Variants in PAM observed in about 807,000 individuals in gnomAD.
The protein encoded by PAM is peptidyl-glycine alpha-amidating monooxygenase.
PAM carries 72 observed loss-of-function variants against 122.1 expected under a neutral mutation model. The ratio of observed to expected loss-of-function variants is 0.59; its 90% CI spans 0.49 to 0.72. PAM has a LOEUF of 0.72. PAM is among the 30% of genes least tolerant of loss of function. The probability of loss-of-function intolerance (pLI) is 0.00; values close to 1 mark genes in which losing one functional copy is unlikely to be tolerated. For missense variants in PAM, 1,106 were observed against 1,183.7 expected (o/e 0.93, Z 0.96); for synonymous variants, 389 against 404.4 (o/e 0.96, Z 0.46).
At chr5:102,945,282 G>A (rs1756652945) in intron 7 of PAM, among the ~76,000 whole-genome samples, 1 of 151,836 alleles carries the variant, frequency 6.6e-6, no homozygotes, top group African/African-American at 2.4e-5. Flanking sequence ...AACTGATGAT[G>A]GTCCTGTAAG....
At chr5:102,770,036 C>A (rs1755276851) in intron 1 of PAM, among the ~76,000 whole-genome samples, 1 of 151,962 alleles carries the variant, frequency 6.6e-6, no homozygotes, top group Admixed American at 6.6e-5. Flanking sequence ...CAATTTCTTT[C>A]ATCAATATTT....
intron 5 of PAM, among the ~76,000 whole-genome samples, chr5:102,917,739 A>G (rs1336679455): frequency 1.3e-5 from 2 of 152,170 alleles, no homozygotes; most frequent in East Asian, 3.9e-4. Context: ...AGCATTTTTA[A>G]TATTAACGCA....
chr5:102,828,576 A>T (rs1774366038), intron 1 of PAM, among the ~76,000 whole-genome samples: 1 of 152,074 alleles, frequency 6.6e-6, no homozygotes, highest in African/African-American at 2.4e-5. Flanking sequence ...TGCTTCTCTA[A>T]TCTATAAAAT....
At chr5:102,890,288 ACTAC>A (rs1396352086) in intron 3 of PAM, among the ~76,000 whole-genome samples, 1 of 151,886 alleles carries the variant, frequency 6.6e-6, no homozygotes, top group Non-Finnish European at 1.5e-5. Flanking sequence ...TAATGTTAAT[ACTAC>A]CTATTAATGA....
rs114081300 is a variant in PAM, at chr5:102,800,673, G to A, written c.-374+45325G>A. Among the ~76,000 whole-genome samples the A allele has an allele frequency of 8.5e-3, 1,292 of 152,266 alleles. 15 individuals are homozygous for A. Among genetic ancestry groups the A allele is most frequent in the African/African-American group, 0.03 (1,249 of 41,530 alleles). ...TGAAGGTCAGGGACATTAATGGGAG[G>A]GAGGGGGCTACGCTGAGTTCTTGGA... On this transcript the variant is annotated intron_variant, in intron 1 of 25. Transcript: ENST00000438793.
At chr5:103,012,698 CA>C (rs552361644) in intron 21 of PAM, among the ~76,000 whole-genome samples, 4 of 151,480 alleles carry the variant, frequency 2.6e-5, no homozygotes, top group Non-Finnish European at 5.9e-5. Flanking sequence ...ATTAAAAATA[CA>C]AAAAAAATTA....
At chr5:102,954,917 C>T (rs529417364) in intron 12 of PAM, among the ~76,000 whole-genome samples, 26 of 152,182 alleles carry the variant, frequency 1.7e-4, no homozygotes, top group African/African-American at 5.5e-4. Context: ...TGGATACCAA[C>T]ATAGCACTTT....
intron 1 of PAM, among the ~76,000 whole-genome samples, chr5:102,781,148 T>C (rs1228858478): frequency 1.3e-5 from 2 of 152,172 alleles, no homozygotes; most frequent in Non-Finnish European, 2.9e-5. Flanking sequence ...ACAATACTTG[T>C]AGATATTGCT....
intron 4 of PAM, among the ~76,000 whole-genome samples, chr5:102,905,491 G>A (rs905176959): frequency 5.3e-5 from 8 of 151,670 alleles, no homozygotes; most frequent in African/African-American, 1.9e-4. Context: ...AGTTAGATTT[G>A]AATAGTTCAA....
At chr5:102,941,880 TA>T (rs1340780919) in intron 7 of PAM, among the ~76,000 whole-genome samples, 2 of 148,256 alleles carry the variant, frequency 1.3e-5, no homozygotes, top group Non-Finnish European at 3.0e-5. Context: ...TTAGCTTCAT[TA>T]AAACCAGAGT....
At chr5:102,822,359 C>T (rs961598318) in intron 1 of PAM, among the ~76,000 whole-genome samples, 2 of 152,086 alleles carry the variant, frequency 1.3e-5, no homozygotes, top group African/African-American at 4.8e-5. Context: ...CAGGAACCCA[C>T]CCTGGACAGA....
intron 3 of PAM, among the ~76,000 whole-genome samples, chr5:102,885,502 A>G (rs1046085346): frequency 6.6e-6 from 1 of 151,994 alleles, no homozygotes; most frequent in African/African-American, 2.4e-5. Flanking sequence ...GTAAGAAAGA[A>G]GATAGATTGG....
In PAM at chr5:103,011,421, C is replaced by T. The variant is rs1311906468; in HGVS notation, c.2331+1555C>T. Among the ~76,000 whole-genome samples the T allele has an allele frequency of 2.0e-5, 3 of 151,958 alleles. No individual in the cohort carries two copies. In the South Asian group the frequency reaches 6.2e-4, roughly 32 times the overall value. On this transcript the variant is annotated intron_variant, in intron 21 of 25. Transcript: ENST00000438793. ...ACACACTCTCTCTCTCTGTCCCATACCCTTCCCAGGCTCTGGTAACCATCC... is the reference window on the plus strand; with the variant it reads ...ACACACTCTCTCTCTCTGTCCCATATCCTTCCCAGGCTCTGGTAACCATCC...
intron 5 of PAM, 49 bp from the exon 6 acceptor site, chr5:102,924,908 G>A (rs755568652): frequency 1.0e-6 from 1 of 970,278 alleles, no homozygotes; most frequent in Admixed American, 1.7e-5. Context: ...AGCAATTTAT[G>A]CATTTCACTA....
At chr5:102,795,189 C>CAAAAAAAAAAAAAAAAAAAAAAAAAA (rs33988105) in intron 1 of PAM, among the ~76,000 whole-genome samples, 3 of 59,680 alleles carry the variant, frequency 5.0e-5, no homozygotes, top group Admixed American at 2.3e-4. Context: ...GACAATGTCT[C>CAAAAAAAAAAAAAAAAAAAAAAAAAA]AAAAAAAAAA....
intron 7 of PAM, among the ~76,000 whole-genome samples, chr5:102,944,362 T>C (rs551959527): frequency 2.8e-4 from 43 of 152,210 alleles, no homozygotes; most frequent in African/African-American, 1.0e-3. Flanking sequence ...GGCCAGGTAT[T>C]TGCCTGTGTA....
intron 1 of PAM, among the ~76,000 whole-genome samples, chr5:102,776,177 G>C (rs1232561291): frequency 6.6e-6 from 1 of 151,962 alleles, no homozygotes. Flanking sequence ...CCCACTTTTT[G>C]ATGGGGTTGT....
At chr5:102,890,044 TTGTAA>T in intron 3 of PAM, among the ~76,000 whole-genome samples, 1 of 152,088 alleles carries the variant, frequency 6.6e-6, no homozygotes, top group East Asian at 1.9e-4. Context: ...TTCCTTTTCC[TTGTAA>T]TGTATTTGTG....
At chr5:102,876,432 T>G (rs571543049) in intron 3 of PAM, among the ~76,000 whole-genome samples, 1 of 152,234 alleles carries the variant, frequency 6.6e-6, no homozygotes, top group Non-Finnish European at 1.5e-5. Flanking sequence ...AAGAGTTTCC[T>G]GCACCACTCA....
Sources: gnomAD v4.1 joint callset for allele counts (sites outside exome capture counted in the v4.1 genomes callset) on GRCh38, gnomAD v4.1.1 for gene constraint, MANE v1.5 for transcripts, NCBI Gene and HGNC (gene_info 2026-07-23, HGNC 2026-07-21) for gene names.